Variants in MAGI1 observed in about 807,000 individuals in gnomAD.
MAGI1 encodes the protein membrane associated guanylate kinase, WW and PDZ domain containing 1.
MAGI1 carries 58 observed loss-of-function variants against 139.9 expected under a neutral mutation model. The observed-to-expected ratio is 0.41, with a 90% CI of 0.34 to 0.52. The LOEUF (loss-of-function observed/expected upper bound fraction) is 0.52. MAGI1 is among the 20% of genes least tolerant of loss of function. The pLI, the probability that MAGI1 is intolerant of heterozygous loss-of-function variation, is 0.12. For missense variants in MAGI1, 1,874 were observed against 1,901.6 expected (o/e 0.99, Z 0.27); for synonymous variants, 812 against 737.9 (o/e 1.10, Z -1.63).
At position 65,470,344 on chromosome 3, in the gene MAGI1, C is replaced by G; in HGVS notation, c.898G>C (p.Gly300Arg). The change falls in exon 5 of 23, where the codon GGT (glycine) becomes CGT (arginine). Residue 300 changes from glycine to arginine, a missense_variant. Gly to Arg is a moderately radical substitution (Grantham distance 125). Coordinates refer to ENST00000402939, the MANE Select transcript of MAGI1 (RefSeq NM_001033057.2). ...YLPLSAEDNL[G>R]PLPENWEMAY... Reference sequence around the variant, plus strand: ...ATCTCCCAGTTTTCAGGTAGAGGACCTAAATTATCCTCTGCAGAAAGAGGT... The same window carrying G: ...ATCTCCCAGTTTTCAGGTAGAGGACGTAAATTATCCTCTGCAGAAAGAGGT... The G allele has an allele frequency of 6.2e-7, 1 of 1,613,546 alleles. No homozygotes were observed. The highest frequency in any genetic ancestry group is 8.5e-7 in the Non-Finnish European group (1 of 1,179,636).
chr3:65,637,231 C>A lies in MAGI1; in HGVS notation c.314-15143G>T, dbSNP rs2084678468. On this transcript the variant is annotated intron_variant, in intron 1 of 22. Coordinates refer to ENST00000402939, the MANE Select transcript of MAGI1 (RefSeq NM_001033057.2). ...ATGTGGAATCTTCTTTCTTATTTTT[C>A]TTTTAGAGCAAAGAGCATATTAGAA... Among the ~76,000 whole-genome samples, 3 of 152,056 alleles carry A rather than the reference C, an allele frequency of 2.0e-5. No individual in the cohort carries two copies. The South Asian group carries it at 6.2e-4, about 32-fold the overall frequency.
At chr3:65,632,903 T>C (rs2084392088) in intron 1 of MAGI1, among the ~76,000 whole-genome samples, 2 of 152,164 alleles carry the variant, frequency 1.3e-5, no homozygotes, top group Non-Finnish European at 2.9e-5. Flanking sequence ...AGGGTGTTCC[T>C]TGTCTCCCAG....
Position 65,437,135 on chromosome 3 carries a change from T to TTTGGTTTAACTTTAAAACACAAGTTTTAA in MAGI1, c.1363+19_1363+20insTTAAAACTTGTGTTTTAAAGTTAAACCAA. ...TTTTGAGCTAAAACCATGACACAATTAGAAAGACAAGTACTTTACCCTGAA... is the reference window on the plus strand; with the variant it reads ...TTTTGAGCTAAAACCATGACACAATTTTGGTTTAACTTTAAAACACAAGTTTTAAAGAAAGACAAGTACTTTACCCTGAA... On this transcript the variant is annotated intron_variant, in intron 10 of 22. Transcript: ENST00000402939. 6.5e-7 allele frequency: 1 copy of TTTGGTTTAACTTTAAAACACAAGTTTTAA among 1,534,860 alleles called. No individual in the cohort carries two copies. Among genetic ancestry groups the TTTGGTTTAACTTTAAAACACAAGTTTTAA allele is most frequent in the Non-Finnish European group, 8.9e-7 (1 of 1,120,920 alleles).
At chr3:65,441,435 C>T (rs912947045) in intron 8 of MAGI1, among the ~76,000 whole-genome samples, 1 of 152,038 alleles carries the variant, frequency 6.6e-6, no homozygotes, top group Non-Finnish European at 1.5e-5. Flanking sequence ...ATGTTTATTT[C>T]CTAATTCTTG....
chr3:65,492,300 C>T (rs900895476), intron 3 of MAGI1, among the ~76,000 whole-genome samples: 1 of 152,086 alleles, frequency 6.6e-6, no homozygotes, highest in Non-Finnish European at 1.5e-5. Flanking sequence ...GACTTTTTTC[C>T]ACCACATTTG....
chr3:65,965,549 A>G (rs1204642795), intron 1 of MAGI1, among the ~76,000 whole-genome samples: 1 of 152,212 alleles, frequency 6.6e-6, no homozygotes, highest in Non-Finnish European at 1.5e-5. Context: ...GACTTACTTG[A>G]TGTAATCTCA....
intron 5 of MAGI1, among the ~76,000 whole-genome samples, chr3:65,454,526 T>TACAATAATAATA (rs1553646589): frequency 1.9e-4 from 16 of 83,104 alleles, no homozygotes; most frequent in African/African-American, 1.1e-3. Context: ...AAACTGAAAG[T>TACAATAATAATA]ATAATAATAA....
chr3:65,611,259 A>G (rs867290468), intron 2 of MAGI1, among the ~76,000 whole-genome samples: 2 of 141,788 alleles, frequency 1.4e-5, no homozygotes, highest in South Asian at 4.3e-4. Flanking sequence ...ATATACATAT[A>G]TAGTATATAT....
At chr3:65,988,953 G>T (rs187785027) in intron 1 of MAGI1, among the ~76,000 whole-genome samples, 1 of 152,082 alleles carries the variant, frequency 6.6e-6, no homozygotes, top group Non-Finnish European at 1.5e-5. Context: ...TGGGAGATAT[G>T]CCTGGTAAGG....
intron 1 of MAGI1, among the ~76,000 whole-genome samples, chr3:65,641,144 T>C (rs952018630): frequency 2.6e-5 from 4 of 152,116 alleles, no homozygotes; most frequent in South Asian, 2.1e-4. Flanking sequence ...CTGAGAGCTA[T>C]AGTAAGAACC....
In MAGI1 at chr3:65,541,324, C is replaced by T. The variant is rs984395915; in HGVS notation, c.431-47693G>A. On this transcript the variant is annotated intron_variant, in intron 2 of 22. Transcript: ENST00000402939. ...AGCCCAGGACAAGACAGATTCACAGCCAAATTCTAACAGAGGTACAAAGAA... is the reference window on the plus strand; with the variant it reads ...AGCCCAGGACAAGACAGATTCACAGTCAAATTCTAACAGAGGTACAAAGAA... Among the ~76,000 whole-genome samples, 4 of 152,216 alleles carry T rather than the reference C, an allele frequency of 2.6e-5. No individual in the cohort carries two copies. The South Asian group carries it at 8.3e-4, about 32-fold the overall frequency.
chr3:65,437,818 A>C (rs966939162), intron 9 of MAGI1, among the ~76,000 whole-genome samples: 1 of 152,214 alleles, frequency 6.6e-6, no homozygotes, highest in Admixed American at 6.5e-5. Flanking sequence ...CAGCTAACAT[A>C]TTCAATTGTA....
chr3:65,602,748 G>A (rs781270245), intron 2 of MAGI1, among the ~76,000 whole-genome samples: 2 of 151,872 alleles, frequency 1.3e-5, no homozygotes, highest in African/African-American at 4.8e-5. Context: ...ATGAAATTAA[G>A]GTAGAAATTT....
intron 12 of MAGI1, among the ~76,000 whole-genome samples, chr3:65,415,764 T>A (rs1472530680): frequency 2.6e-5 from 4 of 152,174 alleles, no homozygotes. Context: ...CACATCTAAT[T>A]TTGCTCTTTA....
intron 1 of MAGI1, among the ~76,000 whole-genome samples, chr3:65,674,098 T>C (rs936034027): frequency 6.6e-6 from 1 of 152,154 alleles, no homozygotes; most frequent in Non-Finnish European, 1.5e-5. Flanking sequence ...TTTAAGCTTA[T>C]ACGACAGCTC....
chr3:65,419,079 C>T lies in MAGI1; in HGVS notation c.2167+10441G>A, dbSNP rs182764245. On this transcript the variant is annotated intron_variant, in intron 12 of 22. Coordinates refer to ENST00000402939, the MANE Select transcript of MAGI1 (RefSeq NM_001033057.2). ...ATGGTGATGTGCCTCAGGGTTCTGT[C>T]TTGCACTTTTTCTCCCTCCTTCCTG... is the stretch of plus-strand genomic sequence containing the variant. 3.3e-5 allele frequency among the ~76,000 whole-genome samples: 5 copies of T among 152,308 alleles called. No individual in the cohort carries two copies. In the East Asian group the frequency reaches 9.7e-4, roughly 29 times the overall value.
At chr3:65,369,443 C>T (rs1324358770) in intron 18 of MAGI1, among the ~76,000 whole-genome samples, 2 of 151,742 alleles carry the variant, frequency 1.3e-5, no homozygotes, top group Non-Finnish European at 2.9e-5. Context: ...ACGCACTGCA[C>T]AAAGGGCAGA....
At chr3:65,767,842 C>G (rs935800721) in intron 1 of MAGI1, among the ~76,000 whole-genome samples, 3 of 152,330 alleles carry the variant, frequency 2.0e-5, no homozygotes, top group Middle Eastern at 3.4e-3. Context: ...TTAACCCTTA[C>G]AGGAAAAGCA....
chr3:65,401,370 C>CCGA, intron 13 of MAGI1, 69 bp downstream of exon 13: 2 of 1,178,686 alleles, frequency 1.7e-6, no homozygotes, highest in Non-Finnish European at 2.5e-6. Context: ...CACAGAGTAC[C>CCGA]CTCCCACCTC....
Sources: gnomAD v4.1 joint callset for allele counts (sites outside exome capture counted in the v4.1 genomes callset) on GRCh38, gnomAD v4.1.1 for gene constraint, MANE v1.5 for transcripts, NCBI Gene and HGNC (gene_info 2026-07-23, HGNC 2026-07-21) for gene names.